GLCCI1: variants seen among roughly 807,000 people sequenced by gnomAD.
GLCCI1 encodes glucocorticoid-induced transcript 1 protein.
GLCCI1 carries 24 observed loss-of-function variants against 52.2 expected under a neutral mutation model. The observed-to-expected ratio is 0.46, with a 90% confidence interval of 0.33 to 0.65. The LOEUF is 0.65. Ranked by LOEUF, GLCCI1 falls within the 30% of genes least tolerant of loss-of-function variation. The pLI, the probability that GLCCI1 is intolerant of heterozygous loss-of-function variation, is 0.02. For synonymous variants in GLCCI1, 310 were observed against 276.5 expected (o/e 1.12, Z -1.20); for missense variants, 704 against 701.5 (o/e 1.00, Z -0.04).
intron 1 of GLCCI1, among the ~76,000 whole-genome samples, chr7:7,997,868 A>G (rs1180704275): frequency 6.6e-6 from 1 of 151,910 alleles, no homozygotes; most frequent in East Asian, 1.9e-4. Flanking sequence ...CAGAGGTTAC[A>G]GTGAGCCGAG....
At chr7:8,015,440 G>T (rs1394450334) in intron 2 of GLCCI1, among the ~76,000 whole-genome samples, 1 of 152,204 alleles carries the variant, frequency 6.6e-6, no homozygotes, top group Non-Finnish European at 1.5e-5. Flanking sequence ...ACTTCTTCAT[G>T]AAATGGAAGC....
At chr7:7,992,553 A>G (rs552162087) in intron 1 of GLCCI1, among the ~76,000 whole-genome samples, 2 of 152,156 alleles carry the variant, frequency 1.3e-5, no homozygotes, top group East Asian at 3.9e-4. Context: ...GATATATTTG[A>G]TATGTTGATT....
At chr7:8,041,838 C>T (rs569723069) in intron 3 of GLCCI1, among the ~76,000 whole-genome samples, 66 of 152,176 alleles carry the variant, frequency 4.3e-4, no homozygotes, top group Middle Eastern at 3.4e-3. Flanking sequence ...GCAGTCCTCC[C>T]GCCTCAGCCT....
At chr7:8,041,611 T>G (rs949019388) in intron 3 of GLCCI1, among the ~76,000 whole-genome samples, 2 of 152,186 alleles carry the variant, frequency 1.3e-5, no homozygotes, top group African/African-American at 4.8e-5. Context: ...TTTCTTTTTT[T>G]CGAGACAAGG....
intron 1 of GLCCI1, among the ~76,000 whole-genome samples, chr7:7,986,388 G>T (rs923034636): frequency 2.6e-5 from 4 of 151,764 alleles, no homozygotes; most frequent in East Asian, 3.9e-4. Context: ...GGGAGGGGGG[G>T]GTGGCAGGCA....
chr7:7,975,444 A>G (rs999296785), intron 1 of GLCCI1, among the ~76,000 whole-genome samples: 3 of 152,162 alleles, frequency 2.0e-5, no homozygotes, highest in South Asian at 2.1e-4. Flanking sequence ...ATACCAAGCA[A>G]TGTATACTTT....
chr7:8,030,814 G>T (rs1781731713), intron 3 of GLCCI1, among the ~76,000 whole-genome samples: 2 of 152,108 alleles, frequency 1.3e-5, no homozygotes, highest in Admixed American at 1.3e-4. Context: ...TTAGAGAAAT[G>T]CAGATCAAAA....
intron 1 of GLCCI1, among the ~76,000 whole-genome samples, chr7:8,002,735 T>G (rs779616915): frequency 3.9e-5 from 6 of 152,358 alleles, no homozygotes; most frequent in Non-Finnish European, 5.9e-5. Flanking sequence ...CTTGGGAACC[T>G]GTAAATCTGT....
At chr7:8,032,541 C>G (rs955395205) in intron 3 of GLCCI1, among the ~76,000 whole-genome samples, 22 of 151,918 alleles carry the variant, frequency 1.4e-4, no homozygotes, top group African/African-American at 5.3e-4. Flanking sequence ...TTACCAACTT[C>G]AGAAGTGAAA....
intron 7 of GLCCI1, 93 bp downstream of exon 7, chr7:8,085,110 C>G: frequency 7.1e-7 from 1 of 1,407,366 alleles, no homozygotes; most frequent in Non-Finnish European, 9.8e-7. Flanking sequence ...CTACTCTATC[C>G]AGCTGATAAT....
chr7:8,075,882 T>G (rs58426353), intron 6 of GLCCI1, among the ~76,000 whole-genome samples: 23,838 of 152,190 alleles, frequency 0.16, 1,990 homozygotes, highest in East Asian at 0.26. Flanking sequence ...CCAATGCATG[T>G]AAGCCTATTT....
chr7:7,984,367 T>A (rs1006770110), intron 1 of GLCCI1, among the ~76,000 whole-genome samples: 1 of 152,208 alleles, frequency 6.6e-6, no homozygotes, highest in African/African-American at 2.4e-5. Context: ...GAATCTGTTA[T>A]ACTTAGAGAA....
At position 8,087,598 on chromosome 7, in the gene GLCCI1, T is replaced by G. The variant is rs1783144618; in HGVS notation, c.*1060T>G. 1 of 152,518 alleles carries G rather than the reference T, an allele frequency of 6.6e-6. No homozygotes were observed. The highest frequency in any genetic ancestry group is 2.4e-5 in the African/African-American group (1 of 41,438). The allele number at this position is 152,518 out of a possible 1,614,324, so 9.4% of individuals were successfully genotyped here. ...TATCTAAAGACATATTTATATTTAG[T>G]TTCTCCCTTGGAAATTCTTTATTTT... On this transcript the variant is annotated 3_prime_UTR_variant, in exon 8 of 8. Transcript: ENST00000223145.
Position 7,969,056 on chromosome 7 carries a change from T to TGCG in GLCCI1, c.-294_-293insCGG. The TGCG allele has an allele frequency of 1.2e-5, 2 of 172,546 alleles. No individual in the cohort carries two copies. The highest frequency in any genetic ancestry group is 2.4e-5 in the Non-Finnish European group (2 of 81,658). 10.7% of individuals were successfully genotyped at this position (172,546 alleles called of 1,614,324 possible). A position where few individuals can be genotyped will look rare whatever the true frequency, so the allele number is the denominator to read the frequency against. ...CCTGTCAGCACGATGCCTGGAGCGG[T>TGCG]GGCGGCGGCGGCTCCGGGCTCCTTG... On this transcript the variant is annotated 5_prime_UTR_variant, in exon 1 of 8. Transcript: ENST00000223145. The surrounding 1 kb of genome is among the most constrained non-coding windows in gnomAD (Gnocchi z 4.9).
intron 2 of GLCCI1, among the ~76,000 whole-genome samples, chr7:8,011,395 A>G (rs1002756473): frequency 6.6e-6 from 1 of 152,104 alleles, no homozygotes; most frequent in Middle Eastern, 3.2e-3. Flanking sequence ...AAAATCATAC[A>G]GTATTTTCCT....
rs376439119 is a variant in GLCCI1 at position 8,036,767 on chromosome 7, A to C, written c.696+14198A>C. Among the ~76,000 whole-genome samples, 25 of 152,312 alleles carry C rather than the reference A, an allele frequency of 1.6e-4. No homozygotes were observed. The East Asian group carries it at 3.8e-3, about 23-fold the overall frequency. On this transcript the variant is annotated intron_variant, in intron 3 of 7. Coordinates refer to ENST00000223145, the MANE Select transcript of GLCCI1 (RefSeq NM_138426.4). ...GAATGAATTACAAAATAGAGTTGAA[A>C]GTTTTAACAAGTAGACTAAACCAAT...
intron 1 of GLCCI1, among the ~76,000 whole-genome samples, chr7:7,973,406 TTGTGTGCGTG>T (rs1780395391): frequency 1.2e-5 from 1 of 83,894 alleles, no homozygotes; most frequent in South Asian, 3.5e-4. Context: ...ATGCAAATCT[TTGTGTGCGTG>T]TGTGTGTGTG....
chr7:7,986,030 A>G (rs1239825373), intron 1 of GLCCI1, among the ~76,000 whole-genome samples: 5 of 152,188 alleles, frequency 3.3e-5, no homozygotes, highest in African/African-American at 9.7e-5. Flanking sequence ...CAAGTTTACA[A>G]ATCTGAATTT....
At chr7:8,053,131 G>A (rs1030429542) in intron 3 of GLCCI1, among the ~76,000 whole-genome samples, 2 of 151,536 alleles carry the variant, frequency 1.3e-5, no homozygotes, top group African/African-American at 4.8e-5. Context: ...ATGTGTTTCT[G>A]GTTCTCAGAT....
Sources: allele counts gnomAD v4.1 joint callset (sites outside exome capture counted in the v4.1 genomes callset), GRCh38; gene constraint gnomAD v4.1.1; non-coding constraint Gnocchi (gnomAD v3.1); transcripts MANE v1.5; gene names NCBI Gene and HGNC (gene_info 2026-07-23, HGNC 2026-07-21).